GALNT17: variants seen among roughly 807,000 people sequenced by gnomAD.
The protein encoded by GALNT17 is polypeptide N-acetylgalactosaminyltransferase 17.
In GALNT17, 29 loss-of-function variants were observed where a neutral mutation model predicts 63.7. That is an observed-to-expected ratio of 0.46 (90% CI 0.34 to 0.62). The LOEUF (loss-of-function observed/expected upper bound fraction) is 0.62. Among genes scored for constraint, GALNT17 ranks in the 20% least tolerant of loss-of-function variants. The pLI, the probability that GALNT17 is intolerant of heterozygous loss-of-function variation, is 0.01. For missense variants in GALNT17, 603 were observed against 799.6 expected, an observed-to-expected ratio of 0.75 and a Z score of 2.97; for synonymous variants, 305 against 318.3, an observed-to-expected ratio of 0.96 and a Z score of 0.45.
chr7:71,470,082 G>T (rs2116610461), intron 5 of GALNT17, among the ~76,000 whole-genome samples: 1 of 152,254 alleles, frequency 6.6e-6, no homozygotes, highest in Middle Eastern at 3.4e-3. Flanking sequence ...GGTGGCAGAT[G>T]TCCATAATCC....
intron 9 of GALNT17, among the ~76,000 whole-genome samples, chr7:71,700,926 T>C (rs1023651874): frequency 6.6e-6 from 1 of 152,204 alleles, no homozygotes; most frequent in Admixed American, 6.5e-5. Context: ...TCAACAAATA[T>C]TTATCAAGCA....
At chr7:71,232,465 T>C (rs1052888332) in intron 1 of GALNT17, among the ~76,000 whole-genome samples, 2 of 151,920 alleles carry the variant, frequency 1.3e-5, no homozygotes, top group East Asian at 1.9e-4. Context: ...GTCACAGATA[T>C]AGGGCATAGG....
At chr7:71,250,984 G>T (rs1790186967) in intron 1 of GALNT17, among the ~76,000 whole-genome samples, 1 of 152,184 alleles carries the variant, frequency 6.6e-6, no homozygotes, top group South Asian at 2.1e-4. Context: ...GGCTGTAGGT[G>T]AAAGCATAAG....
intron 1 of GALNT17, among the ~76,000 whole-genome samples, chr7:71,296,438 A>G (rs917483015): frequency 2.6e-5 from 4 of 152,090 alleles, no homozygotes; most frequent in African/African-American, 9.7e-5. Flanking sequence ...ACATGGGGCC[A>G]ACCCCGTCTC....
chr7:71,249,914 G>A (rs1299663175), intron 1 of GALNT17, among the ~76,000 whole-genome samples: 1 of 152,194 alleles, frequency 6.6e-6, no homozygotes, highest in Non-Finnish European at 1.5e-5. Context: ...CTAACTGAAA[G>A]GTGATGCATT....
chr7:71,658,919 A>C (rs984583961), intron 6 of GALNT17, among the ~76,000 whole-genome samples: 1 of 151,914 alleles, frequency 6.6e-6, no homozygotes. Context: ...ATCTATCTAC[A>C]TCTCTATTTT....
chr7:71,258,267 TAGA>T (rs1203211684), intron 1 of GALNT17, among the ~76,000 whole-genome samples: 2 of 152,220 alleles, frequency 1.3e-5, no homozygotes, highest in Non-Finnish European at 1.5e-5. Context: ...TTGCAAATAC[TAGA>T]AGATCTGAAG....
intron 1 of GALNT17, among the ~76,000 whole-genome samples, chr7:71,297,284 T>C (rs921487170): frequency 6.6e-6 from 1 of 152,212 alleles, no homozygotes; most frequent in African/African-American, 2.4e-5. Context: ...GGCTCATGCC[T>C]GTAATCCCAG....
At chr7:71,447,503 A>G (rs1787181498) in intron 5 of GALNT17, among the ~76,000 whole-genome samples, 1 of 151,506 alleles carries the variant, frequency 6.6e-6, no homozygotes, top group African/African-American at 2.4e-5. Context: ...TCTAAAATCA[A>G]AAAAAAAATC....
At chr7:71,285,121 C>T (rs540938800) in intron 1 of GALNT17, among the ~76,000 whole-genome samples, 5 of 152,116 alleles carry the variant, frequency 3.3e-5, no homozygotes, top group South Asian at 2.1e-4. Context: ...CGACAAATAC[C>T]GCAGAAATTA....
chr7:71,573,999 C>T (rs567633571), intron 6 of GALNT17, among the ~76,000 whole-genome samples: 1 of 152,176 alleles, frequency 6.6e-6, no homozygotes, highest in Non-Finnish European at 1.5e-5. Flanking sequence ...TCTCCTTCTT[C>T]TTACAGCTGT....
chr7:71,379,175 A>C (rs1485365992), intron 2 of GALNT17, among the ~76,000 whole-genome samples: 1 of 152,126 alleles, frequency 6.6e-6, no homozygotes, highest in African/African-American at 2.4e-5. Context: ...GACCAGAGGA[A>C]GTGCCTAGCA....
chr7:71,578,808 C>G (rs1166354170), intron 6 of GALNT17, among the ~76,000 whole-genome samples: 1 of 152,144 alleles, frequency 6.6e-6, no homozygotes, highest in Admixed American at 6.6e-5. Context: ...CCCTCCTGAT[C>G]CCCGCCCTAG....
At chr7:71,530,550 ATTTATTTATTTAT>A (rs1028470830) in intron 5 of GALNT17, among the ~76,000 whole-genome samples, 3 of 49,442 alleles carry the variant, frequency 6.1e-5, no homozygotes, top group Non-Finnish European at 1.3e-4. Context: ...TTATTTATTT[ATTTATTTATTTAT>A]TTATTTATTT....
At chr7:71,643,274 C>G (rs1227096776) in intron 6 of GALNT17, among the ~76,000 whole-genome samples, 2 of 152,124 alleles carry the variant, frequency 1.3e-5, no homozygotes, top group Non-Finnish European at 2.9e-5. Context: ...TTGAGACCAG[C>G]CTGGCCAACA....
At chr7:71,341,187 T>A (rs11981382) in intron 2 of GALNT17, among the ~76,000 whole-genome samples, 9,499 of 152,156 alleles carry the variant, frequency 0.062, 633 homozygotes, top group African/African-American at 0.16. Flanking sequence ...CTATCTCTTA[T>A]AAAACAAAAA....
At chr7:71,282,709 G>C (rs1790799712) in intron 1 of GALNT17, among the ~76,000 whole-genome samples, 1 of 151,966 alleles carries the variant, frequency 6.6e-6, no homozygotes, top group Non-Finnish European at 1.5e-5. Context: ...CTGTGGGTGG[G>C]GGGATGTCTG....
At chr7:71,384,598 T>G (rs1448050187) in intron 2 of GALNT17, among the ~76,000 whole-genome samples, 1 of 152,196 alleles carries the variant, frequency 6.6e-6, no homozygotes, top group Non-Finnish European at 1.5e-5. Flanking sequence ...CGGTAAAGAC[T>G]TTATTAATTA....
intron 1 of GALNT17, among the ~76,000 whole-genome samples, chr7:71,158,357 G>C (rs1400317779): frequency 6.6e-6 from 1 of 151,336 alleles, no homozygotes; most frequent in African/African-American, 2.4e-5. Flanking sequence ...CCTGCCCCAA[G>C]CCTTCATCTT....
Sources: allele counts gnomAD v4.1 joint callset (sites outside exome capture counted in the v4.1 genomes callset), GRCh38; gene constraint gnomAD v4.1.1; transcripts MANE v1.5; gene names NCBI Gene and HGNC (gene_info 2026-07-23, HGNC 2026-07-21).